PRDM15: variants seen among roughly 807,000 people sequenced by gnomAD.
The protein encoded by PRDM15 is PR domain zinc finger protein 15.
PRDM15 carries 64 observed loss-of-function variants against 128.6 expected under a neutral mutation model. That is an observed-to-expected ratio of 0.50 (90% CI 0.41 to 0.61). The LOEUF (loss-of-function observed/expected upper bound fraction) is 0.61, where lower values mean the gene tolerates loss of function less well. PRDM15 is among the 20% of genes least tolerant of loss of function. The probability of loss-of-function intolerance (pLI) is 0.00; values close to 1 mark genes in which losing one functional copy is unlikely to be tolerated. For missense variants in PRDM15, 1,242 were observed against 1,569.1 expected, an observed-to-expected ratio of 0.79 and a Z score of 3.52; for synonymous variants, 615 against 621.8, an observed-to-expected ratio of 0.99 and a Z score of 0.16.
chr21:41,822,910 T>TTA (rs1428485129), intron 14 of PRDM15, among the ~76,000 whole-genome samples: 1 of 151,926 alleles, frequency 6.6e-6, no homozygotes, highest in Non-Finnish European at 1.5e-5. Flanking sequence ...TGGTGGATGC[T>TTA]TATAGTTCCA....
chr21:41,843,029 C>T (rs989989494), intron 6 of PRDM15, among the ~76,000 whole-genome samples: 1 of 152,168 alleles, frequency 6.6e-6, no homozygotes, highest in African/African-American at 2.4e-5. Flanking sequence ...AGGTGATCCA[C>T]CTGCCTCAGC....
chr21:41,806,821 T>C (rs1044880164), intron 21 of PRDM15, among the ~76,000 whole-genome samples: 26 of 143,742 alleles, frequency 1.8e-4, no homozygotes, highest in Non-Finnish European at 3.3e-4. Context: ...ATCACTATCA[T>C]TACCATCATC....
intron 11 of PRDM15, among the ~76,000 whole-genome samples, chr21:41,831,097 G>A (rs1382655634): frequency 6.6e-6 from 1 of 152,262 alleles, no homozygotes; most frequent in African/African-American, 2.4e-5. Flanking sequence ...GCACTTCTGG[G>A]CCCCTGGGCT....
At chr21:41,861,542 C>CCG (rs1555889581) in intron 1 of PRDM15, 4 of 1,564,060 alleles carry the variant, frequency 2.6e-6, no homozygotes, top group East Asian at 4.5e-5. Context: ...CTGCCCCCCC[C>CCG]CAATCCCCAA....
chr21:41,878,617 C>T, intron 1 of PRDM15: 1 of 850,680 alleles, frequency 1.2e-6, no homozygotes, highest in Non-Finnish European at 1.7e-6. Context: ...GTCACCTGTC[C>T]ATCCACCTCG....
intron 3 of PRDM15, 32 bp from the exon 4 acceptor site, chr21:41,857,361 G>A (rs761984493): frequency 6.2e-7 from 1 of 1,611,780 alleles, no homozygotes; most frequent in Admixed American, 1.7e-5. Context: ...ACTCAAAAGA[G>A]AGCACTCACA....
At chr21:41,831,116 T>C (rs73359663) in intron 11 of PRDM15, among the ~76,000 whole-genome samples, 3,340 of 152,340 alleles carry the variant, frequency 0.022, 117 homozygotes, top group African/African-American at 0.076. Context: ...CTCTCACCCA[T>C]GGACCAGCTC....
intron 8 of PRDM15, 37 bp downstream of exon 8, chr21:41,837,897 G>A: frequency 6.2e-7 from 1 of 1,613,170 alleles, no homozygotes; most frequent in Non-Finnish European, 8.5e-7. Flanking sequence ...AGCATTGTCT[G>A]TCCACAGGAC....
chr21:41,837,852 A>G (rs1259345377), intron 8 of PRDM15, 82 bp downstream of exon 8: 8 of 1,490,788 alleles, frequency 5.4e-6, no homozygotes, highest in Non-Finnish European at 7.4e-6. Context: ...CCTGCTGGGA[A>G]GGTGCCTTCC....
chr21:41,810,498 C>G lies in PRDM15; in HGVS notation c.2477-169G>C. On this transcript the variant is annotated intron_variant, in intron 20 of 23. Transcript: ENST00000398548. This position sits in a 1 kb window ranked among gnomAD's most constrained non-coding sequence, Gnocchi z 6.4. ...TCCCCGAGCACACATGAGCACAGAG[C>G]CTCTGTCCCTTGGGGAGCACTGCCA... 1.4e-6 allele frequency: 1 copy of G among 725,442 alleles called. No individual in the cohort carries two copies. Among genetic ancestry groups the G allele is most frequent in the Non-Finnish European group, 2.3e-6 (1 of 444,228 alleles). 44.9% of individuals were successfully genotyped at this position (725,442 alleles called of 1,614,324 possible).
intron 6 of PRDM15, among the ~76,000 whole-genome samples, chr21:41,843,628 A>G (rs1480520505): frequency 6.6e-6 from 1 of 152,040 alleles, no homozygotes; most frequent in African/African-American, 2.4e-5. Context: ...GTGAGGCTGC[A>G]GGGGGCCTGA....
chr21:41,839,716 T>C lies in PRDM15; in HGVS notation c.778A>G (p.Lys260Glu), dbSNP rs898739462. ...AVPESENVAT[K>E]EQKKKPRRGR... Reference sequence around the variant, plus strand: ...CTTCGAGGCTTTTTCTTCTGTTCTTTGGTGGCAACATTCTCGCTCTCGGGC... The same window carrying C: ...CTTCGAGGCTTTTTCTTCTGTTCTTCGGTGGCAACATTCTCGCTCTCGGGC... The change falls in exon 7 of 24, where the codon AAA (lysine) becomes GAA (glutamate). Residue 260 changes from lysine (K) to glutamate (E), a missense_variant. Physicochemically the swap from Lys to Glu is moderately conservative, Grantham distance 56 (BLOSUM62 1). This residue lies in a region of PRDM15 where 612 missense variants were observed against 717.0 expected (regional missense o/e 0.85). Transcript: ENST00000398548. 3 of 1,614,160 alleles carry C rather than the reference T, an allele frequency of 1.9e-6. No individual in the cohort carries two copies. The highest frequency in any genetic ancestry group is 2.7e-5 in the African/African-American group (2 of 74,962).
chr21:41,861,529 C>T (rs370667279), intron 1 of PRDM15: 1 of 1,531,944 alleles, frequency 6.5e-7, no homozygotes, highest in Non-Finnish European at 8.9e-7. Flanking sequence ...GATTATTCCT[C>T]CTCTGCCCCC....
intron 21 of PRDM15, among the ~76,000 whole-genome samples, chr21:41,806,947 A>G (rs1308374945): frequency 3.7e-5 from 5 of 133,738 alleles, no homozygotes; most frequent in Non-Finnish European, 5.3e-5. Context: ...CACCACCACC[A>G]TCTCCACCAC....
Position 41,799,859 on chromosome 21 carries a change from G to A in PRDM15, c.*1381C>T, listed in dbSNP as rs1405690665. 3 of 152,460 alleles carry A rather than the reference G, an allele frequency of 2.0e-5. No homozygotes were observed. Among genetic ancestry groups the A allele is most frequent in the Admixed American group, 6.5e-5 (1 of 15,268 alleles). 9.4% of individuals were successfully genotyped at this position (152,460 alleles called of 1,614,324 possible). Reference sequence around the variant, plus strand: ...AAACAGAGTACCAGGAAAGTTAAGAGCAAACTTCTCCCCACACCTCTCAGT... The same window carrying A: ...AAACAGAGTACCAGGAAAGTTAAGAACAAACTTCTCCCCACACCTCTCAGT... On this transcript the variant is annotated 3_prime_UTR_variant, in exon 24 of 24. Transcript: ENST00000398548.
intron 1 of PRDM15, among the ~76,000 whole-genome samples, chr21:41,864,319 A>G (rs1220903521): frequency 2.0e-5 from 3 of 152,226 alleles, no homozygotes; most frequent in Non-Finnish European, 4.4e-5. Context: ...CTTAAAACAT[A>G]AAATATTAAA....
intron 1 of PRDM15, chr21:41,878,671 AG>A: frequency 1.3e-6 from 2 of 1,493,274 alleles, no homozygotes; most frequent in Non-Finnish European, 1.8e-6. Context: ...AATAAGGCGC[AG>A]GGGGTCTGGG....
chr21:41,862,361 G>A lies in PRDM15; in HGVS notation c.-9-1989C>T, dbSNP rs913276187. Among the ~76,000 whole-genome samples, 1 of 152,122 alleles carries A rather than the reference G, an allele frequency of 6.6e-6. No individual in the cohort carries two copies. The highest frequency in any genetic ancestry group is 1.5e-5 in the Non-Finnish European group (1 of 68,020). On this transcript the variant is annotated intron_variant, in intron 1 of 23. Coordinates refer to ENST00000398548, the MANE Select transcript of PRDM15 (RefSeq NM_001040424.3). This position sits in a 1 kb window ranked among gnomAD's most constrained non-coding sequence, Gnocchi z 4.1. ...GCCTTGCTTACTTGGGAGCCTGCACGAATCCCCTGAGGCCTTGTGTGGCCG... is the reference window on the plus strand; with the variant it reads ...GCCTTGCTTACTTGGGAGCCTGCACAAATCCCCTGAGGCCTTGTGTGGCCG...
At position 41,854,283 on chromosome 21, in the gene PRDM15, C is replaced by T. The variant is rs1174047304; in HGVS notation, c.538+283G>A. Reference sequence around the variant, plus strand: ...AGTGCGCTCTACCATGCACTCATGACAATGCCATCGCCCCAGGACACATTT... The same window carrying T: ...AGTGCGCTCTACCATGCACTCATGATAATGCCATCGCCCCAGGACACATTT... On this transcript the variant is annotated intron_variant, in intron 5 of 23. Coordinates refer to ENST00000398548, the MANE Select transcript of PRDM15 (RefSeq NM_001040424.3). This position sits in a 1 kb window ranked among gnomAD's most constrained non-coding sequence, Gnocchi z 4.6. Among the ~76,000 whole-genome samples the T allele has an allele frequency of 1.3e-5, 2 of 152,188 alleles. No homozygotes were observed. The highest frequency in any genetic ancestry group is 4.8e-5 in the African/African-American group (2 of 41,448).
Sources: allele counts gnomAD v4.1 joint callset (sites outside exome capture counted in the v4.1 genomes callset), GRCh38; gene constraint gnomAD v4.1.1; regional missense constraint gnomAD v4.1.1; non-coding constraint Gnocchi (gnomAD v3.1); transcripts MANE v1.5; gene names NCBI Gene and HGNC (gene_info 2026-07-23, HGNC 2026-07-21).